Variants in SLCO1C1 observed in about 807,000 individuals in gnomAD.
SLCO1C1 encodes the protein OAT-RP-5.
A neutral mutation model predicts 76.4 loss-of-function variants in SLCO1C1; 70 were observed. That is an observed-to-expected ratio of 0.92 (90% CI 0.76 to 1.12). The LOEUF (loss-of-function observed/expected upper bound fraction) is 1.12, where lower values mean the gene tolerates loss of function less well. SLCO1C1 is among the 50% of genes most tolerant of loss of function. The pLI, the probability that SLCO1C1 is intolerant of heterozygous loss-of-function variation, is 0.00. For synonymous variants in SLCO1C1, 306 were observed against 286.1 expected, an observed-to-expected ratio of 1.07 and a Z score of -0.70; for missense variants, 912 against 823.8, an observed-to-expected ratio of 1.11 and a Z score of -1.31.
Position 20,699,693 on chromosome 12 carries a change from T to C in SLCO1C1, c.117T>C (p.Cys39=). The change falls in exon 2 of 15, where the codon TGT becomes TGC. Residue 39 remains cysteine, a synonymous_variant. Transcript: ENST00000266509. ...CCTCAGAAGAAAAGCAACCATGCTG[T>C]GGTGAACTAAAGGTAGAGCAACCAA... ...YPSSEEKQPC[C]GELKVFLCAL... is the part of the protein sequence containing the mutation. The C allele has an allele frequency of 1.2e-6, 2 of 1,610,676 alleles. No homozygotes were observed. The highest frequency in any genetic ancestry group is 1.7e-4 in the Middle Eastern group (1 of 6,036).
At chr12:20,706,887 G>T (rs1946805467) in intron 4 of SLCO1C1, among the ~76,000 whole-genome samples, 1 of 152,078 alleles carries the variant, frequency 6.6e-6, no homozygotes, top group South Asian at 2.1e-4. Flanking sequence ...ACTACCAAAA[G>T]GTTTTGGAGT....
chr12:20,743,410 AG>A (rs1319296854), intron 13 of SLCO1C1, 41 bp downstream of exon 13: 2 of 1,496,238 alleles, frequency 1.3e-6, no homozygotes, highest in Non-Finnish European at 1.8e-6. Flanking sequence ...AGACACCGTA[AG>A]TGTATTTTGA....
chr12:20,744,531 G>A (rs1018055687), intron 13 of SLCO1C1, among the ~76,000 whole-genome samples: 3 of 151,980 alleles, frequency 2.0e-5, no homozygotes, highest in Non-Finnish European at 4.4e-5. Flanking sequence ...AATTTTTCAT[G>A]GAAAAATAAA....
intron 13 of SLCO1C1, among the ~76,000 whole-genome samples, chr12:20,747,987 A>G (rs556285307): frequency 1.3e-5 from 2 of 152,280 alleles, no homozygotes; most frequent in East Asian, 3.9e-4. Flanking sequence ...TATTTCTTCT[A>G]TAACATGTTT....
intron 11 of SLCO1C1, among the ~76,000 whole-genome samples, chr12:20,738,936 T>G (rs1592315684): frequency 6.6e-6 from 1 of 152,290 alleles, no homozygotes; most frequent in East Asian, 1.9e-4. Context: ...ATTGCCACTC[T>G]TTCTAGAAAA....
chr12:20,709,999 A>G (rs1403957310), intron 4 of SLCO1C1, among the ~76,000 whole-genome samples: 1 of 151,700 alleles, frequency 6.6e-6, no homozygotes, highest in Non-Finnish European at 1.5e-5. Flanking sequence ...TAAAATTATA[A>G]AACCTGTAAC....
chr12:20,733,424 T>C (rs780030893), intron 10 of SLCO1C1, among the ~76,000 whole-genome samples: 1 of 152,208 alleles, frequency 6.6e-6, no homozygotes, highest in Non-Finnish European at 1.5e-5. Flanking sequence ...AATGAAATGA[T>C]GTACATGTGG....
chr12:20,717,745 G>A (rs142014770), intron 7 of SLCO1C1, among the ~76,000 whole-genome samples: 1 of 134,662 alleles, frequency 7.4e-6, no homozygotes, highest in African/African-American at 2.8e-5. Context: ...TATCGAGGAA[G>A]ACTGGCTTTT....
intron 11 of SLCO1C1, among the ~76,000 whole-genome samples, chr12:20,738,270 C>T (rs1221693983): frequency 6.6e-6 from 1 of 152,166 alleles, no homozygotes; most frequent in East Asian, 1.9e-4. Context: ...TTAACAGATT[C>T]ACCCTTCTCA....
At chr12:20,705,517 CTAAA>C (rs1483616276) in intron 3 of SLCO1C1, among the ~76,000 whole-genome samples, 3 of 151,820 alleles carry the variant, frequency 2.0e-5, no homozygotes, top group African/African-American at 7.3e-5. Flanking sequence ...AAGATATCAG[CTAAA>C]TAATTTGTAA....
intron 9 of SLCO1C1, among the ~76,000 whole-genome samples, chr12:20,723,716 T>G (rs1423850763): frequency 6.6e-6 from 1 of 152,064 alleles, no homozygotes; most frequent in Admixed American, 6.6e-5. Flanking sequence ...CAGTCAATAA[T>G]AAGATAGAAA....
At chr12:20,715,428 G>T in intron 6 of SLCO1C1, 143 bp downstream of exon 6, 1 of 909,126 alleles carries the variant, frequency 1.1e-6, no homozygotes, top group Non-Finnish European at 1.6e-6. Context: ...TTTCTGAAGT[G>T]CACAGTTCAG....
In SLCO1C1 at chr12:20,752,312, A is replaced by T; in HGVS notation, c.1923A>T (p.Ile641=). Residue 641 remains isoleucine (I), a synonymous_variant, in exon 15 of 15, where the codon ATA becomes ATT. Transcript: ENST00000266509. ...AGATTCTCTCTTCTTCTAGACATAT[A>T]TATCTGGGACTAACTGTGATACTGG... The part of the protein sequence containing the change: ...RLYDSNVFRH[I]YLGLTVILGT... 6.4e-7 allele frequency: 1 copy of T among 1,567,366 alleles called. No individual in the cohort carries two copies. Among genetic ancestry groups the T allele is most frequent in the Non-Finnish European group, 8.7e-7 (1 of 1,152,814 alleles).
At chr12:20,739,553 T>G (rs1948706018) in intron 11 of SLCO1C1, among the ~76,000 whole-genome samples, 1 of 151,766 alleles carries the variant, frequency 6.6e-6, no homozygotes, top group Non-Finnish European at 1.5e-5. Context: ...CTTGCCAGGT[T>G]TGAGGGGATG....
At chr12:20,735,094 CT>C (rs1286969923) in intron 10 of SLCO1C1, among the ~76,000 whole-genome samples, 11 of 152,252 alleles carry the variant, frequency 7.2e-5, no homozygotes, top group East Asian at 1.9e-4. Context: ...ATTCCTGCCC[CT>C]GATGATAAAT....
At chr12:20,745,511 A>G (rs1010615290) in intron 13 of SLCO1C1, among the ~76,000 whole-genome samples, 2 of 152,128 alleles carry the variant, frequency 1.3e-5, no homozygotes, top group Non-Finnish European at 2.9e-5. Context: ...AAAATAGAAA[A>G]GTGATACAAG....
At chr12:20,701,566 T>TAA in intron 3 of SLCO1C1, 107 bp downstream of exon 3, 1 of 679,618 alleles carries the variant, frequency 1.5e-6, no homozygotes, top group Non-Finnish European at 2.0e-6. Context: ...ACTCTATTCA[T>TAA]AAAATCTTTT....
intron 10 of SLCO1C1, among the ~76,000 whole-genome samples, chr12:20,735,933 G>T (rs1273969795): frequency 6.6e-6 from 1 of 152,058 alleles, no homozygotes; most frequent in Admixed American, 6.6e-5. Context: ...TGCCTCTCTT[G>T]ATTGTACAGT....
rs148049274 is a variant in SLCO1C1 at position 20,708,164 on chromosome 12, C to T, written c.404+2083C>T. Among the ~76,000 whole-genome samples, 228 of 152,270 alleles carry T rather than the reference C, an allele frequency of 1.5e-3. 2 individuals carry two copies. Among genetic ancestry groups the T allele is most frequent in the African/African-American group, 5.4e-3 (223 of 41,562 alleles). ...TTTCGTTCTCTAAGAGATAACTATG[C>T]TCTGTCTCCTTTGCAGAAATATCCT... On this transcript the variant is annotated intron_variant, in intron 4 of 14. Coordinates refer to ENST00000266509, the MANE Select transcript of SLCO1C1 (RefSeq NM_017435.5).
Sources: gnomAD v4.1 joint callset for allele counts (sites outside exome capture counted in the v4.1 genomes callset) on GRCh38, gnomAD v4.1.1 for gene constraint, MANE v1.5 for transcripts, NCBI Gene and HGNC (gene_info 2026-07-23, HGNC 2026-07-21) for gene names.